Variants in CTNNA3 observed in about 807,000 individuals in gnomAD.
CTNNA3 encodes catenin alpha 3.
A neutral mutation model predicts 95.7 loss-of-function variants in CTNNA3; 76 were observed. The ratio of observed to expected loss-of-function variants is 0.79; its 90% CI spans 0.66 to 0.96. The LOEUF (loss-of-function observed/expected upper bound fraction) is 0.96. CTNNA3 is among the 40% of genes least tolerant of loss of function. The pLI, the probability that CTNNA3 is intolerant of heterozygous loss-of-function variation, is 0.00. For synonymous variants in CTNNA3, 431 were observed against 374.4 expected (o/e 1.15, Z -1.74); for missense variants, 1,191 against 1,089.8 (o/e 1.09, Z -1.31).
intron 7 of CTNNA3, among the ~76,000 whole-genome samples, chr10:67,097,060 T>C (rs1858038669): frequency 6.6e-6 from 1 of 151,874 alleles, no homozygotes; most frequent in Non-Finnish European, 1.5e-5. Context: ...ATATAGGAAC[T>C]TGTAAGACAT....
chr10:67,515,607 A>C (rs962734941), intron 5 of CTNNA3, among the ~76,000 whole-genome samples: 17 of 152,240 alleles, frequency 1.1e-4, no homozygotes, highest in African/African-American at 4.1e-4. Flanking sequence ...ATGGCATAAA[A>C]AATCATTTTA....
intron 13 of CTNNA3, among the ~76,000 whole-genome samples, chr10:66,278,727 T>C (rs906809319): frequency 1.3e-5 from 2 of 152,132 alleles, no homozygotes; most frequent in Non-Finnish European, 2.9e-5. Flanking sequence ...CGTACCCTGG[T>C]TCCCCTGTGC....
chr10:65,980,014 A>G (rs186551812), intron 16 of CTNNA3, among the ~76,000 whole-genome samples: 2 of 152,200 alleles, frequency 1.3e-5, no homozygotes, highest in Non-Finnish European at 2.9e-5. Flanking sequence ...CACACAAAAT[A>G]CAAAAAATAA....
chr10:65,951,309 AG>A (rs2077607906), intron 17 of CTNNA3, among the ~76,000 whole-genome samples: 1 of 152,184 alleles, frequency 6.6e-6, no homozygotes, highest in Non-Finnish European at 1.5e-5. Flanking sequence ...CTGATTTGGA[AG>A]GAACCACGAG....
chr10:66,469,761 G>A (rs922694910), intron 11 of CTNNA3, among the ~76,000 whole-genome samples: 2 of 151,806 alleles, frequency 1.3e-5, no homozygotes, highest in African/African-American at 4.8e-5. Context: ...AGTAAAAAAT[G>A]AGAGAAGTGA....
chr10:66,343,995 G>A (rs2092478660), intron 12 of CTNNA3, among the ~76,000 whole-genome samples: 1 of 151,688 alleles, frequency 6.6e-6, no homozygotes, highest in Non-Finnish European at 1.5e-5. Context: ...GGGAGGGTGA[G>A]ACTGGCAGAT....
intron 11 of CTNNA3, among the ~76,000 whole-genome samples, chr10:66,471,520 C>CT (rs1839131636): frequency 6.6e-6 from 1 of 151,634 alleles, no homozygotes; most frequent in Non-Finnish European, 1.5e-5. Flanking sequence ...GGATATGAGT[C>CT]TTTTATGTTT....
chr10:66,125,075 T>C (rs188573498), intron 13 of CTNNA3, among the ~76,000 whole-genome samples: 17 of 152,242 alleles, frequency 1.1e-4, no homozygotes, highest in Admixed American at 9.2e-4. Flanking sequence ...TCTTGGAAAA[T>C]TCATCACCAG....
At chr10:66,519,646 C>A (rs1212024362) in intron 11 of CTNNA3, among the ~76,000 whole-genome samples, 1 of 152,168 alleles carries the variant, frequency 6.6e-6, no homozygotes. Flanking sequence ...TGGAAGCCCC[C>A]TTCCCATTTC....
In CTNNA3 at chr10:66,685,662, G is replaced by A. The variant is rs1419962434; in HGVS notation, c.1282-63878C>T. The stretch of plus-strand genomic sequence containing the variant: ...GCTGGGATTACAGGCATGAGACACC[G>A]CACCAGGCCAAGAACCATATTTTTT... On this transcript the variant is annotated intron_variant, in intron 9 of 17. Coordinates refer to ENST00000433211, the MANE Select transcript of CTNNA3 (RefSeq NM_013266.4). Among the ~76,000 whole-genome samples, 9 of 151,548 alleles carry A rather than the reference G, an allele frequency of 5.9e-5. No individual in the cohort carries two copies. The East Asian group carries it at 1.2e-3, about 20-fold the overall frequency.
intron 1 of CTNNA3, among the ~76,000 whole-genome samples, chr10:67,671,832 G>C (rs1414004392): frequency 1.3e-5 from 2 of 151,964 alleles, no homozygotes; most frequent in Admixed American, 1.3e-4. Context: ...GTGTGCATGT[G>C]TCTTTATAGC....
At chr10:66,630,187 C>CT (rs771534791) in intron 9 of CTNNA3, among the ~76,000 whole-genome samples, 10 of 152,002 alleles carry the variant, frequency 6.6e-5, no homozygotes, top group Non-Finnish European at 1.3e-4. Flanking sequence ...AATCAGTATG[C>CT]TTGAGAATGT....
chr10:66,777,634 T>C (rs1840356132), intron 7 of CTNNA3, among the ~76,000 whole-genome samples: 1 of 152,092 alleles, frequency 6.6e-6, no homozygotes, highest in African/African-American at 2.4e-5. Flanking sequence ...GTTTATAATT[T>C]TACCTAAAGA....
chr10:66,265,775 A>G (rs1185018618), intron 13 of CTNNA3, among the ~76,000 whole-genome samples: 1 of 151,992 alleles, frequency 6.6e-6, no homozygotes, highest in East Asian at 1.9e-4. Context: ...TTTATCTCTT[A>G]GGCCAATTTT....
At chr10:66,261,668 G>T (rs2091006855) in intron 13 of CTNNA3, among the ~76,000 whole-genome samples, 2 of 151,856 alleles carry the variant, frequency 1.3e-5, no homozygotes, top group African/African-American at 4.8e-5. Context: ...CTGAATATTT[G>T]TATCCCCATT....
chr10:66,557,586 T>C (rs1034679081), intron 10 of CTNNA3, among the ~76,000 whole-genome samples: 2 of 152,114 alleles, frequency 1.3e-5, no homozygotes, highest in Non-Finnish European at 2.9e-5. Context: ...AACGGTAGGA[T>C]TTTTGTTTCT....
intron 11 of CTNNA3, among the ~76,000 whole-genome samples, chr10:66,386,228 A>T (rs1394646926): frequency 2.0e-5 from 3 of 152,234 alleles, no homozygotes; most frequent in African/African-American, 7.2e-5. Flanking sequence ...CCTTAAGCTG[A>T]TAAGCAACTT....
intron 10 of CTNNA3, among the ~76,000 whole-genome samples, chr10:66,587,029 A>G (rs1028086323): frequency 6.6e-6 from 1 of 152,092 alleles, no homozygotes; most frequent in Admixed American, 6.5e-5. Context: ...AGTGATGTGA[A>G]CTGTCCTCTA....
At position 66,493,137 on chromosome 10, in the gene CTNNA3, CAAG is replaced by C. The variant is rs577441079; in HGVS notation, c.1531+27477_1531+27479del. Among the ~76,000 whole-genome samples, 709 of 152,192 alleles carry C rather than the reference CAAG, an allele frequency of 4.7e-3. 4 individuals carry two copies. Among genetic ancestry groups the C allele is most frequent in the African/African-American group, 0.016 (669 of 41,502 alleles). Reference sequence around the variant, plus strand: ...AAGGAATAAGGAGACAGGAATGAGACAAGGAGATGAAATATTCATCTGGAACAA... The same window carrying C: ...AAGGAATAAGGAGACAGGAATGAGACGAGATGAAATATTCATCTGGAACAA... On this transcript the variant is annotated intron_variant, in intron 11 of 17. Transcript: ENST00000433211.
Sources: allele counts gnomAD v4.1 joint callset (sites outside exome capture counted in the v4.1 genomes callset), GRCh38; gene constraint gnomAD v4.1.1; transcripts MANE v1.5; gene names NCBI Gene and HGNC (gene_info 2026-07-23, HGNC 2026-07-21).